The following SEL1L2 variants were observed in gnomAD, a reference collection of about 807,000 sequenced individuals.
SEL1L2 encodes protein sel-1 homolog 2.
Under a neutral mutation model 98.8 loss-of-function variants are expected in SEL1L2, and 89 were observed. The observed-to-expected ratio is 0.90, with a 90% CI of 0.76 to 1.07. SEL1L2 has a LOEUF of 1.07. Ranked by LOEUF, SEL1L2 falls within the 50% of genes least tolerant of loss-of-function variation. The pLI is 0.00. For synonymous variants in SEL1L2, 262 were observed against 278.5 expected (o/e 0.94, Z 0.59); for missense variants, 788 against 812.0 (o/e 0.97, Z 0.36).
At chr20:13,904,109 C>A (rs998956787) in intron 5 of SEL1L2, among the ~76,000 whole-genome samples, 2 of 152,154 alleles carry the variant, frequency 1.3e-5, no homozygotes, top group Admixed American at 6.5e-5. Flanking sequence ...ATTTCAAGTA[C>A]AAAGAACTCC....
chr20:13,862,804 C>T (rs747265705), intron 17 of SEL1L2, among the ~76,000 whole-genome samples: 5 of 152,104 alleles, frequency 3.3e-5, no homozygotes, highest in Non-Finnish European at 7.4e-5. Context: ...CCTCCTGCCT[C>T]AGCCCCTTGA....
Position 13,975,992 on chromosome 20 carries a change from TTTTG to T in SEL1L2, c.58+14481_58+14484del, listed in dbSNP as rs137916088. On this transcript the variant is annotated intron_variant, in intron 1 of 19. Transcript: ENST00000284951. Reference sequence around the variant, plus strand: ...ATTACAAGCATGAGCCACCAAGGTTTTTTGTTTGTTTGTTTGTTTGTTTGTTTTG... The same window carrying T: ...ATTACAAGCATGAGCCACCAAGGTTTTTTGTTTGTTTGTTTGTTTGTTTTG... Among the ~76,000 whole-genome samples the T allele has an allele frequency of 8.7e-3, 1,306 of 150,662 alleles. 13 individuals carry two copies. Among genetic ancestry groups the T allele is most frequent in the African/African-American group, 0.03 (1,225 of 41,018 alleles).
chr20:13,941,174 C>T (rs528217497), intron 2 of SEL1L2, among the ~76,000 whole-genome samples: 1 of 152,246 alleles, frequency 6.6e-6, no homozygotes, highest in South Asian at 2.1e-4. Context: ...AAAGACACGA[C>T]CAACAACTCT....
At chr20:13,970,624 G>C (rs776587632) in intron 1 of SEL1L2, among the ~76,000 whole-genome samples, 18 of 152,236 alleles carry the variant, frequency 1.2e-4, no homozygotes, top group Non-Finnish European at 2.6e-4. Context: ...CCTGAGGTCA[G>C]GAGTTGGAGA....
rs1227060703 is a variant in SEL1L2, at chr20:13,952,935, G to A, written c.114+3141C>T. Among the ~76,000 whole-genome samples, 11 of 152,244 alleles carry A rather than the reference G, an allele frequency of 7.2e-5. No homozygotes were observed. In the South Asian group the frequency reaches 1.0e-3, roughly 14 times the overall value. On this transcript the variant is annotated intron_variant, in intron 2 of 19. Coordinates refer to ENST00000284951, the MANE Select transcript of SEL1L2 (RefSeq NM_025229.2). ...TCCCAACTACTCTGGAAGCTGAGGCGGGAGAATCGCTTAAACCTGGGAGGC... is the reference window on the plus strand; with the variant it reads ...TCCCAACTACTCTGGAAGCTGAGGCAGGAGAATCGCTTAAACCTGGGAGGC...
chr20:13,972,439 T>TA (rs1186846469), intron 1 of SEL1L2, among the ~76,000 whole-genome samples: 1 of 152,232 alleles, frequency 6.6e-6, no homozygotes, highest in Non-Finnish European at 1.5e-5. Context: ...GTTGTATTTC[T>TA]AAAAAATAAA....
At chr20:13,885,761 C>T (rs1023631773) in intron 9 of SEL1L2, among the ~76,000 whole-genome samples, 4 of 152,118 alleles carry the variant, frequency 2.6e-5, no homozygotes, top group African/African-American at 9.7e-5. Context: ...TGGGGTTGGG[C>T]GCAGTGGCTC....
chr20:13,980,998 T>C (rs2051798501), intron 1 of SEL1L2, among the ~76,000 whole-genome samples: 1 of 152,178 alleles, frequency 6.6e-6, no homozygotes, highest in Admixed American at 6.5e-5. Context: ...ATCCCAGCAC[T>C]TTGAGAGGCC....
chr20:13,870,223 C>T lies in SEL1L2; in HGVS notation c.1105-20G>A. On this transcript the variant is annotated intron_variant, in intron 12 of 19. Coordinates refer to ENST00000284951, the MANE Select transcript of SEL1L2 (RefSeq NM_025229.2). ...ATTGCCCTAGAAGAGTTTTATAAAGCCAAGTAAAGTCCCAGAAGAATTCAT... is the reference window on the plus strand; with the variant it reads ...ATTGCCCTAGAAGAGTTTTATAAAGTCAAGTAAAGTCCCAGAAGAATTCAT... 1 of 1,581,748 alleles carries T rather than the reference C, an allele frequency of 6.3e-7. No homozygotes were observed. Among genetic ancestry groups the T allele is most frequent in the Non-Finnish European group, 8.6e-7 (1 of 1,160,672 alleles).
At chr20:13,924,975 C>T (rs1358664418) in intron 3 of SEL1L2, among the ~76,000 whole-genome samples, 1 of 151,900 alleles carries the variant, frequency 6.6e-6, no homozygotes, top group African/African-American at 2.4e-5. Context: ...CCTGTCTCTA[C>T]TAAAAATATA....
intron 1 of SEL1L2, among the ~76,000 whole-genome samples, chr20:13,971,334 G>T (rs2051273978): frequency 6.6e-6 from 1 of 152,066 alleles, no homozygotes; most frequent in Non-Finnish European, 1.5e-5. Flanking sequence ...TTTTGTTCAA[G>T]AAGGTTTTCT....
chr20:13,947,027 T>C (rs1194438623), intron 2 of SEL1L2, among the ~76,000 whole-genome samples: 1 of 151,850 alleles, frequency 6.6e-6, no homozygotes. Flanking sequence ...GGATGACATG[T>C]AGATGGCAGC....
At chr20:13,869,739 A>T (rs2147852221) in intron 13 of SEL1L2, 149 bp from the exon 14 acceptor site, 2 of 577,154 alleles carry the variant, frequency 3.5e-6, no homozygotes, top group Non-Finnish European at 6.1e-6. Context: ...ATTTTATTTC[A>T]TTATTATATT....
chr20:13,869,919 CTA>C (rs1473590000), intron 13 of SEL1L2, among the ~76,000 whole-genome samples: 1 of 152,050 alleles, frequency 6.6e-6, no homozygotes, highest in African/African-American at 2.4e-5. Context: ...TACTTAGAAT[CTA>C]TGATTCTAAG....
Position 13,976,100 on chromosome 20 carries a change from C to T in SEL1L2, c.58+14377G>A, listed in dbSNP as rs999997696. 2.2e-4 allele frequency among the ~76,000 whole-genome samples: 33 copies of T among 152,148 alleles called. 1 individual carries two copies. The highest frequency in any genetic ancestry group is 8.0e-4 in the African/African-American group (33 of 41,438). Reference sequence around the variant, plus strand: ...CACTGCAACCTTTGCCTCCCAGGTTCAAGCGATTCTCCTGCCTCAGCCTCC... The same window carrying T: ...CACTGCAACCTTTGCCTCCCAGGTTTAAGCGATTCTCCTGCCTCAGCCTCC... On this transcript the variant is annotated intron_variant, in intron 1 of 19. Transcript: ENST00000284951.
At chr20:13,865,592 C>G (rs1408987207) in intron 15 of SEL1L2, 78 bp from the exon 16 acceptor site, 1 of 1,263,844 alleles carries the variant, frequency 7.9e-7, no homozygotes, top group Non-Finnish European at 1.1e-6. Context: ...GGAAATCAGT[C>G]TTCAGCTCCT....
At chr20:13,885,019 G>C (rs548097968) in intron 10 of SEL1L2, among the ~76,000 whole-genome samples, 1 of 152,076 alleles carries the variant, frequency 6.6e-6, no homozygotes, top group Non-Finnish European at 1.5e-5. Flanking sequence ...TGTGCAGGCC[G>C]GCAGGTGGGG....
At chr20:13,971,134 A>T (rs1034889432) in intron 1 of SEL1L2, among the ~76,000 whole-genome samples, 7 of 151,580 alleles carry the variant, frequency 4.6e-5, no homozygotes, top group African/African-American at 7.3e-5. Context: ...GCTCTTTTTT[A>T]AAAAAAATCT....
At chr20:13,978,601 C>T (rs1569078019) in intron 1 of SEL1L2, among the ~76,000 whole-genome samples, 1 of 152,106 alleles carries the variant, frequency 6.6e-6, no homozygotes, top group Non-Finnish European at 1.5e-5. Flanking sequence ...TGAAGAGACA[C>T]CTGTGCCTCC....
Sources: allele counts gnomAD v4.1 joint callset (sites outside exome capture counted in the v4.1 genomes callset), GRCh38; gene constraint gnomAD v4.1.1; transcripts MANE v1.5; gene names NCBI Gene and HGNC (gene_info 2026-07-23, HGNC 2026-07-21).